The following RAP1GAP variants were observed in gnomAD, a reference collection of about 807,000 sequenced individuals.
The protein encoded by RAP1GAP is RAP1 GTPase activating protein.
In RAP1GAP, 35 loss-of-function variants were observed where a neutral mutation model predicts 87.2. That is an observed-to-expected ratio of 0.40 (90% CI 0.31 to 0.53). RAP1GAP has a LOEUF of 0.53. Among genes scored for constraint, RAP1GAP ranks in the 20% least tolerant of loss-of-function variants. RAP1GAP has a pLI of 0.48. For synonymous variants in RAP1GAP, 375 were observed against 363.9 expected (o/e 1.03, Z -0.35); for missense variants, 734 against 898.9 (o/e 0.82, Z 2.35).
chr1:21,635,975 G>A (rs1487229878), intron 2 of RAP1GAP, among the ~76,000 whole-genome samples: 2 of 152,194 alleles, frequency 1.3e-5, no homozygotes, highest in Non-Finnish European at 2.9e-5. Context: ...CCTGAAGGAG[G>A]GCTTTCCCAG....
At position 21,596,342 on chromosome 1, in the gene RAP1GAP, G is replaced by A. The variant is rs1211062795; in HGVS notation, c.*957C>T. The A allele has an allele frequency of 1.3e-5, 2 of 152,272 alleles. No individual in the cohort carries two copies. Among genetic ancestry groups the A allele is most frequent in the Non-Finnish European group, 2.9e-5 (2 of 68,050 alleles). 9.4% of individuals were successfully genotyped at this position (152,272 alleles called of 1,614,324 possible). A position where few individuals can be genotyped will look rare whatever the true frequency, so the allele number is the denominator to read the frequency against. On this transcript the variant is annotated 3_prime_UTR_variant, in exon 25 of 25. Transcript: ENST00000374765. The stretch of plus-strand genomic sequence containing the variant: ...GCCTTTGGCGTGACGCCTAAAAAGT[G>A]TGACCAGACACACAAGGGCTCCCAG...
In RAP1GAP at chr1:21,601,811, G is replaced by A. The variant is rs377385728; in HGVS notation, c.1539-14C>T. The A allele has an allele frequency of 1.3e-4, 206 of 1,545,474 alleles. No individual in the cohort carries two copies. The highest frequency in any genetic ancestry group is 1.8e-4 in the Non-Finnish European group (201 of 1,135,090). On this transcript the variant is annotated splice_polypyrimidine_tract_variant and intron_variant, in intron 19 of 24. Coordinates refer to ENST00000374765, the MANE Select transcript of RAP1GAP (RefSeq NM_002885.4). ...GGAGGGCTCTCCCTGCGGGGCACACGGGGGCAGCGGGGGGATTCAGCACCA... is the reference window on the plus strand; with the variant it reads ...GGAGGGCTCTCCCTGCGGGGCACACAGGGGCAGCGGGGGGATTCAGCACCA...
In RAP1GAP at chr1:21,631,177, G is replaced by A. The variant is rs75447866; in HGVS notation, c.-112-4780C>T. Among the ~76,000 whole-genome samples the A allele has an allele frequency of 7.4e-3, 1,120 of 152,040 alleles. 16 individuals carry two copies. Among genetic ancestry groups the A allele is most frequent in the African/African-American group, 0.025 (1,049 of 41,466 alleles). ...CCCCTGGTCTCTATCCCTTCCCCACGTCTCCAAAAACCATCCAACCCCCTG... is the reference window on the plus strand; with the variant it reads ...CCCCTGGTCTCTATCCCTTCCCCACATCTCCAAAAACCATCCAACCCCCTG... On this transcript the variant is annotated intron_variant, in intron 2 of 24. Coordinates refer to ENST00000374765, the MANE Select transcript of RAP1GAP (RefSeq NM_002885.4).
At chr1:21,614,134 T>C in intron 7 of RAP1GAP, 45 bp from the exon 8 acceptor site, 5 of 1,366,350 alleles carry the variant, frequency 3.7e-6, no homozygotes, top group Non-Finnish European at 4.1e-6. Flanking sequence ...AGGCTGAGCA[T>C]GGGGCTTTTG....
chr1:21,624,800 CAA>C (rs2091112220), intron 3 of RAP1GAP, among the ~76,000 whole-genome samples: 2 of 151,888 alleles, frequency 1.3e-5, no homozygotes, highest in South Asian at 4.2e-4. Context: ...CCGAGAAGGC[CAA>C]CCCCAGGCTG....
chr1:21,598,535 A>G lies in RAP1GAP; in HGVS notation c.1777-33T>C, dbSNP rs1479087772. ...GGGGGTGGAAAGAGGGAGGGAGGTT[A>G]GCCTATGCCCTTGGCACTGGCTAGG... On this transcript the variant is annotated intron_variant, in intron 21 of 24. Coordinates refer to ENST00000374765, the MANE Select transcript of RAP1GAP (RefSeq NM_002885.4). 13 of 1,559,950 alleles carry G rather than the reference A, an allele frequency of 8.3e-6. No individual in the cohort carries two copies. The Admixed American group carries it at 1.2e-4, about 14-fold the overall frequency.
In RAP1GAP at chr1:21,598,412, C is replaced by T; in HGVS notation, c.1867G>A (p.Gly623Ser). Reference sequence around the variant, plus strand: ...CTTGTCCTGGTACCTGGGGAGCTGCCCCCACTAGTGGTGCTGACACTGTCC... The same window carrying T: ...CTTGTCCTGGTACCTGGGGAGCTGCTCCCACTAGTGGTGCTGACACTGTCC... ...LEDSVSTTSG[G>S]SSPGPSRSPH... Residue 623 changes from glycine to serine, a missense_variant, in exon 22 of 25, where the codon GGC becomes AGC. Transcript: ENST00000374765. 2 of 1,613,510 alleles carry T rather than the reference C, an allele frequency of 1.2e-6. No homozygotes were observed. The highest frequency in any genetic ancestry group is 8.5e-7 in the Non-Finnish European group (1 of 1,179,456).
intron 2 of RAP1GAP, among the ~76,000 whole-genome samples, chr1:21,629,909 C>T (rs780708761): frequency 2.0e-5 from 3 of 152,198 alleles, no homozygotes; most frequent in Non-Finnish European, 2.9e-5. Flanking sequence ...ATAACATGTA[C>T]GTCCAATCCT....
In RAP1GAP at chr1:21,603,857, A is replaced by G. The variant is rs779697042; in HGVS notation, c.1429-944T>C. 1.2e-6 allele frequency: 2 copies of G among 1,603,792 alleles called. No homozygotes were observed. The highest frequency in any genetic ancestry group is 1.7e-6 in the Non-Finnish European group (2 of 1,175,226). On this transcript the variant is annotated intron_variant, in intron 18 of 24. Transcript: ENST00000374765. This position sits in a 1 kb window ranked among gnomAD's most constrained non-coding sequence, Gnocchi z 6.0. ...AACCTCTTCCACGGTTCCTATGCCT[A>G]TGGCACTGCCCCGGCGTCCGAATCT...
chr1:21,629,022 C>T (rs2150466454), intron 2 of RAP1GAP, among the ~76,000 whole-genome samples: 1 of 152,304 alleles, frequency 6.6e-6, no homozygotes, highest in East Asian at 1.9e-4. Context: ...ATACTCTCCC[C>T]CAACTACTGT....
intron 2 of RAP1GAP, among the ~76,000 whole-genome samples, chr1:21,633,389 C>G (rs72876066): frequency 6.6e-6 from 1 of 152,170 alleles, no homozygotes. Context: ...CACAGGCACC[C>G]CCCCTCTGCT....
At chr1:21,625,166 A>G (rs2091413262) in intron 3 of RAP1GAP, among the ~76,000 whole-genome samples, 2 of 152,134 alleles carry the variant, frequency 1.3e-5, no homozygotes, top group South Asian at 2.1e-4. Flanking sequence ...GGCCCCACAT[A>G]TGGACACCAT....
chr1:21,617,288 C>T lies in RAP1GAP; in HGVS notation c.291+18G>A, dbSNP rs2275361. On this transcript the variant is annotated intron_variant, in intron 7 of 24. Coordinates refer to ENST00000374765, the MANE Select transcript of RAP1GAP (RefSeq NM_002885.4). ...TGACCCACCCCAGCCAGCCCCGCTG[C>T]ACCAGCCGGCCACCCACCTTGCCGA... The T allele has an allele frequency of 1.3e-6, 2 of 1,556,098 alleles. No individual in the cohort carries two copies. Among genetic ancestry groups the T allele is most frequent in the Non-Finnish European group, 8.7e-7 (1 of 1,149,224 alleles).
intron 1 of RAP1GAP, among the ~76,000 whole-genome samples, chr1:21,662,129 C>T (rs829374): frequency 0.74 from 112,692 of 152,102 alleles, 42,025 homozygotes; most frequent in East Asian, 0.98. Context: ...CCACGTCACA[C>T]AGGTGCTGGG....
chr1:21,624,148 A>G (rs929029300), intron 3 of RAP1GAP, among the ~76,000 whole-genome samples: 9 of 152,188 alleles, frequency 5.9e-5, no homozygotes, highest in African/African-American at 2.2e-4. Flanking sequence ...ACGTGTGTGC[A>G]GGTTTCTGAA....
chr1:21,657,894 G>A (rs2096927260), intron 1 of RAP1GAP, among the ~76,000 whole-genome samples: 1 of 152,196 alleles, frequency 6.6e-6, no homozygotes, highest in Non-Finnish European at 1.5e-5. Context: ...ACCAGTCTGG[G>A]ACTCTGAGAG....
intron 2 of RAP1GAP, among the ~76,000 whole-genome samples, chr1:21,627,669 C>A (rs2092667524): frequency 6.6e-6 from 1 of 152,008 alleles, no homozygotes; most frequent in Non-Finnish European, 1.5e-5. Flanking sequence ...CCCGCCTCAG[C>A]CTCCCAAAGT....
rs2149195317 is a variant in RAP1GAP, at chr1:21,608,534, A to G, written c.1159-184T>C. 2.8e-5 allele frequency among the ~76,000 whole-genome samples: 4 copies of G among 145,146 alleles called. No homozygotes were observed. The East Asian group carries it at 6.2e-4, about 22-fold the overall frequency. On this transcript the variant is annotated intron_variant, in intron 16 of 24. Transcript: ENST00000374765. ...TCCACAGCTCAAGCATCCCCCAGGG[A>G]CCCTCATATGAAGGGCCCCTCAAAG...
intron 2 of RAP1GAP, among the ~76,000 whole-genome samples, chr1:21,648,208 G>T (rs780235086): frequency 6.6e-6 from 1 of 152,216 alleles, no homozygotes; most frequent in Non-Finnish European, 1.5e-5. Flanking sequence ...AGCCCAGAGA[G>T]GGGATGGGAC....
Sources: allele counts gnomAD v4.1 joint callset (sites outside exome capture counted in the v4.1 genomes callset), GRCh38; gene constraint gnomAD v4.1.1; non-coding constraint Gnocchi (gnomAD v3.1); transcripts MANE v1.5; gene names NCBI Gene and HGNC (gene_info 2026-07-23, HGNC 2026-07-21).